Variants in PKHD1L1 observed in about 807,000 individuals in gnomAD.
The protein encoded by PKHD1L1 is PKHD1 like 1.
In PKHD1L1, 434 loss-of-function variants were observed where a neutral mutation model predicts 462.9. The observed-to-expected ratio is 0.94, with a 90% CI of 0.87 to 1.02. The LOEUF (loss-of-function observed/expected upper bound fraction) is 1.02. PKHD1L1 is among the 50% of genes least tolerant of loss of function. The pLI, the probability that PKHD1L1 is intolerant of heterozygous loss-of-function variation, is 0.00. For synonymous variants in PKHD1L1, 1,781 were observed against 1,750.0 expected (o/e 1.02, Z -0.44); for missense variants, 5,202 against 5,096.1 (o/e 1.02, Z -0.63).
Position 109,491,996 on chromosome 8 carries a change from TAGTG to T in PKHD1L1, c.10236+4_10236+7del. On this transcript the variant is annotated splice_donor_5th_base_variant and intron_variant, in intron 62 of 77. Coordinates refer to ENST00000378402, the MANE Select transcript of PKHD1L1 (RefSeq NM_177531.6). ...ACTCTCTGGCATGCAGCAATTGAGG[TAGTG>T]AAAACAAACTTATAATTATACTAAT... 6.6e-7 allele frequency: 1 copy of T among 1,510,452 alleles called. No homozygotes were observed. Among genetic ancestry groups the T allele is most frequent in the Non-Finnish European group, 8.9e-7 (1 of 1,123,128 alleles). 93.6% of individuals were successfully genotyped at this position (1,510,452 alleles called of 1,614,324 possible).
chr8:109,394,034 C>T (rs1458100231), intron 9 of PKHD1L1, among the ~76,000 whole-genome samples: 1 of 151,776 alleles, frequency 6.6e-6, no homozygotes, highest in Non-Finnish European at 1.5e-5. Context: ...ATTAGCTGGG[C>T]ATGGTGGCAT....
At chr8:109,436,575 G>T (rs1252533808) in intron 30 of PKHD1L1, 116 bp downstream of exon 30, 2 of 1,466,624 alleles carry the variant, frequency 1.4e-6, no homozygotes, top group East Asian at 2.5e-5. Flanking sequence ...GGAACTGCAG[G>T]GTTTCTATTA....
At chr8:109,500,147 TGTTA>T (rs1330336254) in intron 67 of PKHD1L1, among the ~76,000 whole-genome samples, 1 of 152,148 alleles carries the variant, frequency 6.6e-6, no homozygotes, top group Non-Finnish European at 1.5e-5. Flanking sequence ...CTTTCTTCAT[TGTTA>T]GTTATATTAA....
intron 24 of PKHD1L1, among the ~76,000 whole-genome samples, chr8:109,425,755 A>G (rs894688664): frequency 1.3e-5 from 2 of 152,164 alleles, no homozygotes; most frequent in African/African-American, 4.8e-5. Flanking sequence ...AAAGTCATCT[A>G]TAATTGAATT....
intron 5 of PKHD1L1, 55 bp downstream of exon 5, chr8:109,384,182 A>AT: frequency 8.1e-7 from 1 of 1,236,262 alleles, no homozygotes; most frequent in Non-Finnish European, 1.2e-6. Context: ...TAATGTGTTT[A>AT]TTTTTTAGTA....
chr8:109,476,831 T>C (rs1818014010), intron 52 of PKHD1L1, among the ~76,000 whole-genome samples, 164 bp downstream of exon 52: 1 of 152,098 alleles, frequency 6.6e-6, no homozygotes, highest in African/African-American at 2.4e-5. Flanking sequence ...CTTGAAAAGG[T>C]TTTGAGTTGA....
chr8:109,381,053 C>T (rs1039992298), intron 2 of PKHD1L1, among the ~76,000 whole-genome samples: 22 of 152,302 alleles, frequency 1.4e-4, no homozygotes, highest in African/African-American at 3.8e-4. Context: ...AATCGGGATA[C>T]TTGTCCTGCA....
At chr8:109,520,269 C>A (rs954685283) in intron 73 of PKHD1L1, among the ~76,000 whole-genome samples, 2 of 152,024 alleles carry the variant, frequency 1.3e-5, no homozygotes, top group African/African-American at 4.8e-5. Flanking sequence ...CATGACTTTG[C>A]CTGTTATTTT....
In PKHD1L1 at chr8:109,444,817, G is replaced by A. The variant is rs887350500; in HGVS notation, c.4948G>A (p.Glu1650Lys). The A allele has an allele frequency of 6.2e-7, 1 of 1,613,876 alleles. No homozygotes were observed. The highest frequency in any genetic ancestry group is 8.5e-7 in the Non-Finnish European group (1 of 1,179,892). The stretch of plus-strand genomic sequence containing the variant: ...CACTGCTATCAATACGTTGTCCAAT[G>A]AATTTGATAGGCGATTTGTACTTTT... ...LGTAINTLSNEFDRRFVLLPN... is the reference protein window; with the variant it reads ...LGTAINTLSNKFDRRFVLLPN... Residue 1650 changes from glutamate (E) to lysine (K), a missense_variant, in exon 38 of 78, where the codon GAA becomes AAA. By Grantham distance (56) the Glu-to-Lys change is moderately conservative. This residue lies in a region of PKHD1L1 where 4,497 missense variants were observed against 4,336.8 expected (regional missense o/e 1.04). Transcript: ENST00000378402.
At chr8:109,454,382 T>C (rs1405614485) in intron 44 of PKHD1L1, 136 bp downstream of exon 44, 1 of 675,806 alleles carries the variant, frequency 1.5e-6, no homozygotes, top group African/African-American at 1.8e-5. Context: ...GTTATTGGTA[T>C]AAAATCCTTT....
chr8:109,527,343 A>T (rs934706899), intron 77 of PKHD1L1, among the ~76,000 whole-genome samples: 1 of 146,380 alleles, frequency 6.8e-6, no homozygotes, highest in African/African-American at 2.4e-5. Context: ...CTCTACTAAA[A>T]ATATAAAAAA....
chr8:109,491,450 TA>T (rs1818822243), intron 61 of PKHD1L1, among the ~76,000 whole-genome samples: 1 of 151,888 alleles, frequency 6.6e-6, no homozygotes, highest in African/African-American at 2.4e-5. Flanking sequence ...ATGAGTTATC[TA>T]ATCACTAATT....
chr8:109,434,777 G>A (rs1246186379), intron 28 of PKHD1L1, among the ~76,000 whole-genome samples: 3 of 152,028 alleles, frequency 2.0e-5, no homozygotes, highest in Non-Finnish European at 4.4e-5. Flanking sequence ...CCTTCATTTA[G>A]TTTTTGATCA....
In PKHD1L1 at chr8:109,504,361, A is replaced by AG; in HGVS notation, c.10867dup (p.Glu3623GlyfsTer3). 6.7e-7 allele frequency: 1 copy of AG among 1,487,458 alleles called. No homozygotes were observed. The highest frequency in any genetic ancestry group is 2.2e-5 in the Admixed American group (1 of 44,668). 92.1% of individuals were successfully genotyped at this position (1,487,458 alleles called of 1,614,324 possible). A position where few individuals can be genotyped will look rare whatever the true frequency, so the allele number is the denominator to read the frequency against. On this transcript the variant is annotated frameshift_variant, in exon 68 of 78. Coordinates refer to ENST00000378402, the MANE Select transcript of PKHD1L1 (RefSeq NM_177531.6). LOFTEE classifies it high-confidence loss of function. ...TTGTTGGATTTAAGAATGTTTGTTC[A>AG]GGGGAAACTAATGTTATATTCATTA...
chr8:109,385,704 A>G, intron 6 of PKHD1L1, 74 bp downstream of exon 6: 1 of 938,572 alleles, frequency 1.1e-6, no homozygotes, highest in Non-Finnish European at 1.6e-6. Flanking sequence ...AATGGGTCCA[A>G]TGATATTAAA....
chr8:109,517,974 T>G (rs2131013756), intron 72 of PKHD1L1, among the ~76,000 whole-genome samples, 193 bp from the exon 73 acceptor site: 1 of 152,270 alleles, frequency 6.6e-6, no homozygotes, highest in East Asian at 1.9e-4. Flanking sequence ...TGGTATTTTT[T>G]AAAGGAGTGG....
intron 11 of PKHD1L1, among the ~76,000 whole-genome samples, 160 bp downstream of exon 11, chr8:109,396,297 C>G (rs923664843): frequency 2.0e-5 from 3 of 152,134 alleles, no homozygotes; most frequent in African/African-American, 7.2e-5. Flanking sequence ...GATGCTCTTT[C>G]CATTGCAGTT....
intron 70 of PKHD1L1, among the ~76,000 whole-genome samples, chr8:109,508,505 G>C (rs1056936357): frequency 6.6e-6 from 1 of 152,078 alleles, no homozygotes; most frequent in Admixed American, 6.6e-5. Flanking sequence ...GGGGAAGAGG[G>C]ATGGAGAGGA....
chr8:109,365,740 C>T (rs1811196192), intron 2 of PKHD1L1, among the ~76,000 whole-genome samples: 1 of 152,158 alleles, frequency 6.6e-6, no homozygotes, highest in Non-Finnish European at 1.5e-5. Flanking sequence ...CTTTGGGAGC[C>T]CAAGACCGGT....
Sources: allele counts gnomAD v4.1 joint callset (sites outside exome capture counted in the v4.1 genomes callset), GRCh38; gene constraint gnomAD v4.1.1; regional missense constraint gnomAD v4.1.1; transcripts MANE v1.5; gene names NCBI Gene and HGNC (gene_info 2026-07-23, HGNC 2026-07-21).